DAB1: variants seen among roughly 807,000 people sequenced by gnomAD.
DAB1 encodes disabled homolog 1.
In DAB1, 15 loss-of-function variants were observed where a neutral mutation model predicts 64.6. The observed-to-expected ratio is 0.23, with a 90% CI of 0.16 to 0.36. The LOEUF (loss-of-function observed/expected upper bound fraction) is 0.36, where lower values mean the gene tolerates loss of function less well. DAB1 is among the 10% of genes least tolerant of loss of function. The probability of loss-of-function intolerance (pLI) is 1.00; values close to 1 mark genes in which losing one functional copy is unlikely to be tolerated. For synonymous variants in DAB1, 235 were observed against 251.9 expected (o/e 0.93, Z 0.64); for missense variants, 596 against 706.7 (o/e 0.84, Z 1.78).
intron 4 of DAB1, among the ~76,000 whole-genome samples, chr1:58,224,313 A>G (rs1418268710): frequency 6.6e-6 from 1 of 152,234 alleles, no homozygotes; most frequent in Non-Finnish European, 1.5e-5. Flanking sequence ...TTTAATAAGC[A>G]GTAACAAGTA....
chr1:57,911,743 C>T (rs938585474), intron 5 of DAB1, among the ~76,000 whole-genome samples: 6 of 152,202 alleles, frequency 3.9e-5, no homozygotes, highest in Admixed American at 2.6e-4. Context: ...AGTCCCTTCT[C>T]GCTGATTCCA....
chr1:57,718,019 C>A (rs2101754162), intron 6 of DAB1, among the ~76,000 whole-genome samples: 1 of 152,198 alleles, frequency 6.6e-6, no homozygotes, highest in African/African-American at 2.4e-5. Flanking sequence ...ATAGGAAGAA[C>A]AAGTTCTGGT....
chr1:57,739,347 T>G (rs1004346476), intron 6 of DAB1, among the ~76,000 whole-genome samples: 3 of 150,860 alleles, frequency 2.0e-5, no homozygotes, highest in African/African-American at 7.3e-5. Flanking sequence ...TCTCACATAT[T>G]GAGGAGTCAG....
At chr1:57,839,376 T>A (rs1418865168) in intron 1 of DAB1, among the ~76,000 whole-genome samples, 2 of 152,136 alleles carry the variant, frequency 1.3e-5, no homozygotes, top group East Asian at 3.9e-4. Flanking sequence ...TGACATGAAG[T>A]GCCCCAGATC....
chr1:57,583,477 G>A (rs1002043818), intron 7 of DAB1, among the ~76,000 whole-genome samples: 3 of 151,788 alleles, frequency 2.0e-5, no homozygotes, highest in Non-Finnish European at 2.9e-5. Flanking sequence ...AGTACAGATG[G>A]GGTTTCACCA....
At chr1:58,345,899 G>A (rs960564770) in intron 3 of DAB1, among the ~76,000 whole-genome samples, 32 of 152,074 alleles carry the variant, frequency 2.1e-4, no homozygotes, top group African/African-American at 6.3e-4. Context: ...CTCCCTCCCC[G>A]TCCTGGGTCA....
chr1:58,382,010 G>A (rs571211327), intron 3 of DAB1, among the ~76,000 whole-genome samples: 2 of 152,176 alleles, frequency 1.3e-5, no homozygotes, highest in Non-Finnish European at 2.9e-5. Context: ...CTAAAGAAAG[G>A]TCTAATAACT....
At chr1:58,056,271 C>G in intron 5 of DAB1, 1 of 1,332,106 alleles carries the variant, frequency 7.5e-7, no homozygotes, top group Non-Finnish European at 1.1e-6. Flanking sequence ...AGTAATGTAG[C>G]TTCACATACA....
intron 6 of DAB1, among the ~76,000 whole-genome samples, chr1:57,691,636 GA>G (rs1357109729): frequency 4.6e-5 from 7 of 152,104 alleles, no homozygotes; most frequent in Admixed American, 1.3e-4. Flanking sequence ...CCAGAAGGAA[GA>G]AACTCTGGAC....
At chr1:57,385,119 C>T (rs1432816806) in intron 1 of DAB1, among the ~76,000 whole-genome samples, 1 of 152,146 alleles carries the variant, frequency 6.6e-6, no homozygotes, top group African/African-American at 2.4e-5. Context: ...AGCAGCAGGA[C>T]ACAGCTGCTC....
At position 57,466,462 on chromosome 1, in the gene DAB1, C is replaced by T. The variant is rs148199795; in HGVS notation, n.626-175296G>A. 1.1e-3 allele frequency among the ~76,000 whole-genome samples: 168 copies of T among 152,240 alleles called. 1 individual carries two copies. In the East Asian group the frequency reaches 0.02, roughly 18 times the overall value. On this transcript the variant is annotated intron_variant and non_coding_transcript_variant, in intron 7 of 20. Transcript: ENST00000485760. The stretch of plus-strand genomic sequence containing the variant: ...TAAGTGTGAGACTGTGAGAAAATAA[C>T]GTAACCCCTCTGAGCCTCATCTATT...
At chr1:57,322,315 A>G (rs1448867250) in intron 1 of DAB1, among the ~76,000 whole-genome samples, 1 of 152,160 alleles carries the variant, frequency 6.6e-6, no homozygotes, top group East Asian at 1.9e-4. Flanking sequence ...ACAAAGTCAT[A>G]TTGTGATTTT....
chr1:57,495,123 A>G (rs1350349143), intron 7 of DAB1, among the ~76,000 whole-genome samples: 1 of 152,202 alleles, frequency 6.6e-6, no homozygotes, highest in Non-Finnish European at 1.5e-5. Context: ...CTTGGATCAC[A>G]TAAAGTGCCC....
intron 2 of DAB1, among the ~76,000 whole-genome samples, chr1:57,239,594 T>C (rs1276465040): frequency 6.6e-6 from 1 of 152,172 alleles, no homozygotes; most frequent in African/African-American, 2.4e-5. Flanking sequence ...GCAAGAGGCC[T>C]CTCCATCTGT....
intron 3 of DAB1, among the ~76,000 whole-genome samples, chr1:58,482,521 G>GCC (rs1645505393): frequency 6.6e-6 from 1 of 152,148 alleles, no homozygotes; most frequent in African/African-American, 2.4e-5. Flanking sequence ...AAGACATTTA[G>GCC]GGGAAAAAGC....
chr1:57,730,008 G>T (rs1031369802), intron 6 of DAB1, among the ~76,000 whole-genome samples: 11 of 152,230 alleles, frequency 7.2e-5, no homozygotes, highest in African/African-American at 1.4e-4. Flanking sequence ...GGGGAGCCAG[G>T]ATCTGTGCCC....
At chr1:57,491,020 G>A (rs1205698961) in intron 7 of DAB1, among the ~76,000 whole-genome samples, 1 of 152,208 alleles carries the variant, frequency 6.6e-6, no homozygotes, top group Non-Finnish European at 1.5e-5. Flanking sequence ...CTGCAACAAG[G>A]AAAAGAGCAT....
chr1:58,527,255 C>T (rs1189851029), intron 2 of DAB1: 2 of 872,068 alleles, frequency 2.3e-6, no homozygotes, highest in Non-Finnish European at 4.0e-6. Flanking sequence ...CTACTAAACA[C>T]TTTACCTTTG....
At chr1:57,262,052 A>G (rs1670223073) in intron 2 of DAB1, among the ~76,000 whole-genome samples, 2 of 152,208 alleles carry the variant, frequency 1.3e-5, no homozygotes, top group Non-Finnish European at 2.9e-5. Context: ...GGTAGGGGTC[A>G]GCAAGGGATT....
Sources: gnomAD v4.1 joint callset for allele counts (sites outside exome capture counted in the v4.1 genomes callset) on GRCh38, gnomAD v4.1.1 for gene constraint, MANE v1.5 for transcripts, NCBI Gene and HGNC (gene_info 2026-07-23, HGNC 2026-07-21) for gene names.